WFDC13: variants seen among roughly 807,000 people sequenced by gnomAD.
The protein encoded by WFDC13 is WAP four-disulfide core domain protein 13.
A neutral mutation model predicts 10.9 loss-of-function variants in WFDC13; 6 were observed. That is an observed-to-expected ratio of 0.55 (90% confidence interval 0.30 to 1.09). WFDC13 has a LOEUF of 1.09. WFDC13 is among the 50% of genes least tolerant of loss of function. WFDC13 has a pLI of 0.06. For missense variants in WFDC13, 104 were observed against 109.6 expected (o/e 0.95, Z 0.23); for synonymous variants, 38 against 39.5 (o/e 0.96, Z 0.14).
rs75216546 is a variant in WFDC13 at position 45,704,466 on chromosome 20, C to A, written c.111C>A (p.Pro37=). The change falls in exon 2 of 4, where the codon CCC becomes CCA. Residue 37 remains proline, a synonymous_variant. Transcript: ENST00000305479. ...RVLKYILEPP[P]CISAPENCTH... ...CAGAGTATATCTTGGAACCTCCACCCTGCATATCAGCACCTGAAAACTGTA... is the reference window on the plus strand; with the variant it reads ...CAGAGTATATCTTGGAACCTCCACCATGCATATCAGCACCTGAAAACTGTA... The A allele has an allele frequency of 1.7e-3, 2,774 of 1,613,946 alleles. 52 individuals carry two copies. In the African/African-American group the frequency reaches 0.033, roughly 19 times the overall value.
At chr20:45,706,008 G>T (rs1195957369) in intron 3 of WFDC13, 81 bp downstream of exon 3, 6 of 1,218,226 alleles carry the variant, frequency 4.9e-6, no homozygotes, top group Non-Finnish European at 7.2e-6. Flanking sequence ...CTCACCAGGG[G>T]CACTACATTC....
intron 3 of WFDC13, among the ~76,000 whole-genome samples, chr20:45,707,095 C>T (rs982008774): frequency 6.6e-6 from 1 of 152,242 alleles, no homozygotes; most frequent in African/African-American, 2.4e-5. Context: ...CTTGCCCAGG[C>T]TCCGGTGAGC....
At chr20:45,704,991 TC>T in intron 2 of WFDC13, 1 of 1,614,142 alleles carries the variant, frequency 6.2e-7, no homozygotes, top group South Asian at 1.1e-5. Flanking sequence ...CAAGACACCA[TC>T]CTTTGGCCAC....
intron 2 of WFDC13, chr20:45,705,299 C>T: frequency 2.6e-6 from 1 of 388,782 alleles, no homozygotes; most frequent in East Asian, 5.3e-5. Flanking sequence ...GTGGAAGACT[C>T]AACCAATGAG....
At position 45,705,397 on chromosome 20, in the gene WFDC13, T is replaced by A. The variant is rs538663887; in HGVS notation, c.240-466T>A. Among the ~76,000 whole-genome samples, 4 of 152,248 alleles carry A rather than the reference T, an allele frequency of 2.6e-5. No homozygotes were observed. The South Asian group carries it at 8.3e-4, about 32-fold the overall frequency. ...CAGCATGAGATAATGTGCAGAGTGA[T>A]TAAGCATGGGCTCAAAGCCAAACAC... On this transcript the variant is annotated intron_variant, in intron 2 of 3. Coordinates refer to ENST00000305479, the MANE Select transcript of WFDC13 (RefSeq NM_172005.2).
intron 3 of WFDC13, among the ~76,000 whole-genome samples, chr20:45,706,731 C>A (rs1426684734): frequency 6.7e-6 from 1 of 149,608 alleles, no homozygotes. Context: ...AAGAGTGCAC[C>A]ATTGCACTCC....
intron 2 of WFDC13, 57 bp downstream of exon 2, chr20:45,704,651 G>A (rs1568675965): frequency 4.4e-6 from 7 of 1,590,678 alleles, no homozygotes; most frequent in Admixed American, 3.5e-5. Context: ...GAGCCCAGCA[G>A]AAGAGTCCCT....
At chr20:45,705,115 G>T in intron 2 of WFDC13, 1 of 903,974 alleles carries the variant, frequency 1.1e-6, no homozygotes, top group Non-Finnish European at 1.8e-6. Context: ...GCAGAGAAAG[G>T]ACATAGGGTG....
chr20:45,707,078 AT>A (rs1227096575), intron 3 of WFDC13, among the ~76,000 whole-genome samples: 2 of 152,246 alleles, frequency 1.3e-5, no homozygotes. Context: ...GTTTAGACGC[AT>A]GAGCACTTGC....
At chr20:45,704,349 T>A in intron 1 of WFDC13, 95 bp from the exon 2 acceptor site, 1 of 1,494,956 alleles carries the variant, frequency 6.7e-7, no homozygotes, top group Non-Finnish European at 9.0e-7. Context: ...CAGATGAGGG[T>A]GGCAGGTTTC....
chr20:45,707,478 A>G (rs1984443001), intron 3 of WFDC13, among the ~76,000 whole-genome samples: 1 of 148,778 alleles, frequency 6.7e-6, no homozygotes, highest in African/African-American at 2.6e-5. Context: ...CAATAAAATA[A>G]AATATTCAAT....
At chr20:45,705,777 A>T in intron 2 of WFDC13, 86 bp from the exon 3 acceptor site, 1 of 1,285,336 alleles carries the variant, frequency 7.8e-7, no homozygotes, top group Non-Finnish European at 1.1e-6. Flanking sequence ...GTCTAATATT[A>T]ATGGTGGAAG....
chr20:45,704,745 G>A lies in WFDC13; in HGVS notation c.239+151G>A. On this transcript the variant is annotated intron_variant, in intron 2 of 3. Transcript: ENST00000305479. ...CAACATGCCCCTTCTCTTGACCAAG[G>A]ATAATTTCCATAAAAGTCCTGATTA... 4.3e-6 allele frequency: 6 copies of A among 1,390,974 alleles called. No individual in the cohort carries two copies. The South Asian group carries it at 6.8e-5, about 16-fold the overall frequency. The allele number at this position is 1,390,974 out of a possible 1,614,324, so 86.2% of individuals were successfully genotyped here. A position where few individuals can be genotyped will look rare whatever the true frequency, so the allele number is the denominator to read the frequency against.
At chr20:45,702,293 T>C in intron 1 of WFDC13, 82 bp downstream of exon 1, 1 of 1,385,716 alleles carries the variant, frequency 7.2e-7, no homozygotes, top group Non-Finnish European at 1.0e-6. Context: ...CTGTCACACC[T>C]CTTGGAAAAA....
rs767554948 is a variant in WFDC13, at chr20:45,704,473, T to C, written c.118T>C (p.Ser40Pro). 9 of 1,613,908 alleles carry C rather than the reference T, an allele frequency of 5.6e-6. No homozygotes were observed. The highest frequency in any genetic ancestry group is 1.7e-5 in the Admixed American group (1 of 59,988). ...KYILEPPPCI[S>P]APENCTHLCT... Reference sequence around the variant, plus strand: ...TATCTTGGAACCTCCACCCTGCATATCAGCACCTGAAAACTGTACTCACCT... The same window carrying C: ...TATCTTGGAACCTCCACCCTGCATACCAGCACCTGAAAACTGTACTCACCT... Residue 40 changes from serine to proline, a missense_variant, in exon 2 of 4, where the codon TCA becomes CCA. Transcript: ENST00000305479.
chr20:45,702,609 A>G (rs959756096), intron 1 of WFDC13, among the ~76,000 whole-genome samples: 1 of 152,228 alleles, frequency 6.6e-6, no homozygotes, highest in Admixed American at 6.5e-5. Flanking sequence ...AGAGACAACG[A>G]AGTTGGTAGA....
chr20:45,708,331 G>A lies in WFDC13; in HGVS notation c.*496G>A, dbSNP rs937188955. On this transcript the variant is annotated 3_prime_UTR_variant, in exon 4 of 4. Transcript: ENST00000305479. The stretch of plus-strand genomic sequence containing the variant: ...ATCATGAACCCAGGACAGGCACAGT[G>A]GGGGTGGTGAGGACCTGATAGAGTT... The A allele has an allele frequency of 6.6e-6, 1 of 152,238 alleles. No homozygotes were observed. Among genetic ancestry groups the A allele is most frequent in the Non-Finnish European group, 1.5e-5 (1 of 68,146 alleles). 9.4% of individuals were successfully genotyped at this position (152,238 alleles called of 1,614,324 possible). A position where few individuals can be genotyped will look rare whatever the true frequency, so the allele number is the denominator to read the frequency against.
In WFDC13 at chr20:45,708,276, T is replaced by TG. The variant is rs1395468178; in HGVS notation, c.*445dup. 6.6e-6 allele frequency: 1 copy of TG among 152,252 alleles called. No individual in the cohort carries two copies. The highest frequency in any genetic ancestry group is 1.5e-5 in the Non-Finnish European group (1 of 68,102). The allele number at this position is 152,252 out of a possible 1,614,324, so 9.4% of individuals were successfully genotyped here. The stretch of plus-strand genomic sequence containing the variant: ...ACCAGACACTGCATGGCAACCTCCT[T>TG]GGGGCCAGCCTTCAAGGCTTCATGG... On this transcript the variant is annotated 3_prime_UTR_variant, in exon 4 of 4. Transcript: ENST00000305479.
chr20:45,707,704 A>T (rs73291467), intron 3 of WFDC13, among the ~76,000 whole-genome samples, 154 bp from the exon 4 acceptor site: 2,927 of 152,254 alleles, frequency 0.019, 88 homozygotes, highest in African/African-American at 0.067. Flanking sequence ...CTCCAGGAAA[A>T]GTTTTTGGGG....
Sources: allele counts gnomAD v4.1 joint callset (sites outside exome capture counted in the v4.1 genomes callset), GRCh38; gene constraint gnomAD v4.1.1; transcripts MANE v1.5; gene names NCBI Gene and HGNC (gene_info 2026-07-23, HGNC 2026-07-21).